The following XKR6 variants were observed in gnomAD, a reference collection of about 807,000 sequenced individuals.
The protein encoded by XKR6 is XK related 6.
XKR6 carries 22 observed loss-of-function variants against 56.7 expected under a neutral mutation model. The ratio of observed to expected loss-of-function variants is 0.39; its 90% CI spans 0.28 to 0.55. The LOEUF is 0.55. Among genes scored for constraint, XKR6 ranks in the 20% least tolerant of loss-of-function variants. The pLI is 0.66. For missense variants in XKR6, 852 were observed against 889.0 expected, an observed-to-expected ratio of 0.96 and a Z score of 0.53; for synonymous variants, 524 against 387.8, an observed-to-expected ratio of 1.35 and a Z score of -4.13.
At chr8:11,051,614 C>T (rs1009168571) in intron 1 of XKR6, among the ~76,000 whole-genome samples, 12 of 152,214 alleles carry the variant, frequency 7.9e-5, no homozygotes, top group Admixed American at 2.6e-4. Flanking sequence ...TCTTACCCCA[C>T]CTGCAGAACG....
chr8:11,147,364 A>G (rs61110938), intron 1 of XKR6, among the ~76,000 whole-genome samples: 2 of 152,156 alleles, frequency 1.3e-5, no homozygotes, highest in Admixed American at 1.3e-4. Context: ...ACACTTCACT[A>G]AAGAAGATAT....
At chr8:11,199,972 CA>C (rs80153634) in intron 1 of XKR6, among the ~76,000 whole-genome samples, 2,063 of 135,500 alleles carry the variant, frequency 0.015, 24 homozygotes, top group African/African-American at 0.042. Flanking sequence ...TCCAGCAAAC[CA>C]AAAAAAAAAA....
At position 10,997,533 on chromosome 8, in the gene XKR6, T is replaced by C. The variant is rs1012226937; in HGVS notation, c.765-72703A>G. Among the ~76,000 whole-genome samples, 68 of 152,092 alleles carry C rather than the reference T, an allele frequency of 4.5e-4. 1 individual carries two copies. The highest frequency in any genetic ancestry group is 1.5e-3 in the African/African-American group (64 of 41,408). On this transcript the variant is annotated intron_variant, in intron 1 of 2. Transcript: ENST00000416569. ...TAGCCATAGGAAAAAATGATTAAGA[T>C]GCATGTACAGAGTTTCTCCTTACAA...
chr8:11,030,675 G>A (rs1798972645), intron 1 of XKR6, among the ~76,000 whole-genome samples: 1 of 152,146 alleles, frequency 6.6e-6, no homozygotes, highest in African/African-American at 2.4e-5. Context: ...TTAATCCCTT[G>A]TAGACAGCAG....
In XKR6 at chr8:11,191,021, G is replaced by C. The variant is rs150053231; in HGVS notation, c.764+9555C>G. ...TAGCAGGGCTCACCTCAAGTTTACT[G>C]CAAGTATCACACACATGTCCTCTCC... On this transcript the variant is annotated intron_variant, in intron 1 of 2. Coordinates refer to ENST00000416569, the MANE Select transcript of XKR6 (RefSeq NM_173683.4). 7.4e-3 allele frequency among the ~76,000 whole-genome samples: 1,121 copies of C among 152,202 alleles called. 14 individuals carry two copies. The highest frequency in any genetic ancestry group is 0.025 in the African/African-American group (1,047 of 41,498).
At chr8:10,972,094 G>A (rs1241171260) in intron 1 of XKR6, among the ~76,000 whole-genome samples, 2 of 152,170 alleles carry the variant, frequency 1.3e-5, no homozygotes, top group Non-Finnish European at 2.9e-5. Context: ...AGTGCCAATC[G>A]CCTCTGGCTG....
At chr8:11,078,659 G>A (rs1321549804) in intron 1 of XKR6, among the ~76,000 whole-genome samples, 1 of 152,196 alleles carries the variant, frequency 6.6e-6, no homozygotes, top group Non-Finnish European at 1.5e-5. Flanking sequence ...GTGCTTGATG[G>A]AGGCCCCCCA....
intron 1 of XKR6, among the ~76,000 whole-genome samples, chr8:10,948,410 G>A (rs903991896): frequency 1.2e-4 from 18 of 152,304 alleles, no homozygotes; most frequent in Admixed American, 1.2e-3. Context: ...AGCTGAGAAG[G>A]CTGCTATGTT....
chr8:11,089,921 AGTTT>A (rs1172561533), intron 1 of XKR6, among the ~76,000 whole-genome samples: 2 of 152,190 alleles, frequency 1.3e-5, no homozygotes, highest in South Asian at 2.1e-4. Flanking sequence ...CATATATAAT[AGTTT>A]GTTTTAAAAT....
At chr8:11,193,638 T>A (rs1803704316) in intron 1 of XKR6, among the ~76,000 whole-genome samples, 1 of 152,004 alleles carries the variant, frequency 6.6e-6, no homozygotes. Flanking sequence ...AGTGACCTGA[T>A]GGTATCACTA....
At chr8:10,994,691 A>C (rs1267038922) in intron 1 of XKR6, among the ~76,000 whole-genome samples, 1 of 152,216 alleles carries the variant, frequency 6.6e-6, no homozygotes, top group Non-Finnish European at 1.5e-5. Context: ...TACTCCATTT[A>C]ATCAGCAGAA....
intron 1 of XKR6, among the ~76,000 whole-genome samples, chr8:11,141,828 T>C (rs904606268): frequency 6.6e-5 from 10 of 152,138 alleles, no homozygotes; most frequent in African/African-American, 1.7e-4. Context: ...TCTATGCTAC[T>C]AGAAGGTAGG....
At chr8:11,005,804 T>C (rs1798354115) in intron 1 of XKR6, among the ~76,000 whole-genome samples, 1 of 151,786 alleles carries the variant, frequency 6.6e-6, no homozygotes, top group Non-Finnish European at 1.5e-5. Flanking sequence ...AAGGTTTGTA[T>C]GATAGACATA....
At chr8:11,086,975 A>T (rs1797912930) in intron 1 of XKR6, among the ~76,000 whole-genome samples, 2 of 152,190 alleles carry the variant, frequency 1.3e-5, no homozygotes, top group African/African-American at 2.4e-5. Context: ...GGTCTCTCGG[A>T]AGCTGAGATG....
At chr8:11,064,027 C>T (rs528333605) in intron 1 of XKR6, among the ~76,000 whole-genome samples, 6 of 152,334 alleles carry the variant, frequency 3.9e-5, no homozygotes, top group African/African-American at 1.4e-4. Flanking sequence ...AAGTTCTCTT[C>T]TATATCAACA....
At chr8:10,966,458 G>C (rs903961643) in intron 1 of XKR6, among the ~76,000 whole-genome samples, 1 of 152,060 alleles carries the variant, frequency 6.6e-6, no homozygotes, top group Non-Finnish European at 1.5e-5. Context: ...CGGATCACGA[G>C]GTCAGGAGAT....
At position 11,201,001 on chromosome 8, in the gene XKR6, C is replaced by T. The variant is rs1396112272; in HGVS notation, c.339G>A (p.Ala113=). 19 of 1,438,732 alleles carry T rather than the reference C, an allele frequency of 1.3e-5. No individual in the cohort carries two copies. The African/African-American group carries it at 2.1e-4, about 16-fold the overall frequency. 89.1% of individuals were successfully genotyped at this position (1,438,732 alleles called of 1,614,324 possible). A position where few individuals can be genotyped will look rare whatever the true frequency, so the allele number is the denominator to read the frequency against. The change falls in exon 1 of 3, where the codon GCG becomes GCA. Residue 113 remains alanine, a synonymous_variant. Coordinates refer to ENST00000416569, the MANE Select transcript of XKR6 (RefSeq NM_173683.4). ...AGRQPPTPSA[A]RPEPPPPQVE... ...CCTGCGGCGGCGGCGGCTCCGGCCG[C>T]GCGGCCGAGGGCGTCGGGGGTTGGC... is the stretch of plus-strand genomic sequence containing the variant.
chr8:11,133,065 T>C (rs1800194276), intron 1 of XKR6, among the ~76,000 whole-genome samples: 1 of 151,732 alleles, frequency 6.6e-6, no homozygotes, highest in Non-Finnish European at 1.5e-5. Flanking sequence ...AGACAGTGAG[T>C]TTCAAGTTGT....
intron 1 of XKR6, among the ~76,000 whole-genome samples, chr8:11,140,991 T>C (rs1256092361): frequency 6.6e-6 from 1 of 151,704 alleles, no homozygotes; most frequent in Admixed American, 6.6e-5. Context: ...GAAAGACTGC[T>C]GTGAGTATAA....
Sources: gnomAD v4.1 joint callset for allele counts (sites outside exome capture counted in the v4.1 genomes callset) on GRCh38, gnomAD v4.1.1 for gene constraint, MANE v1.5 for transcripts, NCBI Gene and HGNC (gene_info 2026-07-23, HGNC 2026-07-21) for gene names.